Variants in NRXN3 observed in about 807,000 individuals in gnomAD.
The protein encoded by NRXN3 is neurexin 3.
Under a neutral mutation model 137.6 loss-of-function variants are expected in NRXN3, and 32 were observed. The ratio of observed to expected loss-of-function variants is 0.23; its 90% CI spans 0.18 to 0.31. The LOEUF is 0.31. Among genes scored for constraint, NRXN3 ranks in the 10% least tolerant of loss-of-function variants. NRXN3 has a pLI of 1.00. For synonymous variants in NRXN3, 798 were observed against 784.5 expected, an observed-to-expected ratio of 1.02 and a Z score of -0.29; for missense variants, 1,574 against 2,062.5, an observed-to-expected ratio of 0.76 and a Z score of 4.59.
In NRXN3 at chr14:79,234,344, T is replaced by TA. The variant is rs2072983170; in HGVS notation, c.3263-232877_3263-232876insA. ...TATATATATATATATATATATAATA[T>TA]TTATATATATATTATATATGTATTA... On this transcript the variant is annotated intron_variant, in intron 15 of 20. Transcript: ENST00000335750. Among the ~76,000 whole-genome samples the TA allele has an allele frequency of 1.7e-5, 2 of 116,514 alleles. 1 individual carries two copies. The highest frequency in any genetic ancestry group is 6.8e-5 in the African/African-American group (2 of 29,458). The allele number at this position is 116,514 out of a possible 152,430, so 76.4% of individuals were successfully genotyped here. A position where few individuals can be genotyped will look rare whatever the true frequency, so the allele number is the denominator to read the frequency against.
rs1600231732 is a variant in NRXN3 at position 78,545,228 on chromosome 14, G to T, written c.758-99892G>T. Among the ~76,000 whole-genome samples the T allele has an allele frequency of 2.0e-5, 3 of 152,258 alleles. No individual in the cohort carries two copies. In the East Asian group the frequency reaches 5.8e-4, roughly 29 times the overall value. ...GGCACCCTGTGCTCTGAGGTCAAAA[G>T]GAAACATAGGAAGGTGGTTTCTGAG... On this transcript the variant is annotated intron_variant, in intron 4 of 20. Transcript: ENST00000335750.
At chr14:79,351,746 A>G (rs1433354601) in intron 15 of NRXN3, among the ~76,000 whole-genome samples, 1 of 152,212 alleles carries the variant, frequency 6.6e-6, no homozygotes, top group Non-Finnish European at 1.5e-5. Flanking sequence ...CAGTTTATCT[A>G]AGGTTATAGT....
chr14:79,179,823 C>A (rs1240118787), intron 15 of NRXN3, among the ~76,000 whole-genome samples: 3 of 152,156 alleles, frequency 2.0e-5, no homozygotes, highest in Non-Finnish European at 4.4e-5. Flanking sequence ...CCTGGACAGA[C>A]CAGGAGCCTT....
intron 15 of NRXN3, among the ~76,000 whole-genome samples, chr14:79,140,488 A>G (rs954657590): frequency 5.3e-5 from 8 of 151,916 alleles, no homozygotes; most frequent in Non-Finnish European, 1.2e-4. Flanking sequence ...GTTCACCCCC[A>G]TTATACCTCC....
chr14:78,196,020 C>T (rs986604853), intron 1 of NRXN3, among the ~76,000 whole-genome samples: 4 of 152,294 alleles, frequency 2.6e-5, no homozygotes, highest in African/African-American at 4.8e-5. Flanking sequence ...ATGACGAACC[C>T]GCTGTGGCTT....
intron 15 of NRXN3, among the ~76,000 whole-genome samples, chr14:79,039,796 A>G (rs1156749806): frequency 6.6e-6 from 1 of 151,722 alleles, no homozygotes; most frequent in East Asian, 1.9e-4. Context: ...GGCTCAAGCA[A>G]TCCTCTCATT....
At chr14:78,392,502 G>A (rs1738404248) in intron 4 of NRXN3, among the ~76,000 whole-genome samples, 1 of 152,146 alleles carries the variant, frequency 6.6e-6, no homozygotes, top group African/African-American at 2.4e-5. Context: ...GGGGGCTACA[G>A]GGCCAGAGGG....
At chr14:78,306,098 G>A (rs933763519) in intron 4 of NRXN3, among the ~76,000 whole-genome samples, 3 of 152,132 alleles carry the variant, frequency 2.0e-5, no homozygotes, top group African/African-American at 7.2e-5. Flanking sequence ...AAGTGTTAAT[G>A]TGAACAGAAG....
intron 4 of NRXN3, among the ~76,000 whole-genome samples, chr14:78,379,213 T>C (rs1306531629): frequency 6.6e-6 from 1 of 152,202 alleles, no homozygotes; most frequent in African/African-American, 2.4e-5. Context: ...TAATTGCATA[T>C]AAGCTCTTCT....
chr14:79,820,979 T>G (rs935267638), intron 20 of NRXN3, among the ~76,000 whole-genome samples: 5 of 152,066 alleles, frequency 3.3e-5, no homozygotes, highest in African/African-American at 1.2e-4. Context: ...TGCCTGGAGA[T>G]GTAAGGTTCT....
intron 16 of NRXN3, among the ~76,000 whole-genome samples, chr14:79,630,127 A>G (rs1251745964): frequency 6.6e-6 from 1 of 151,864 alleles, no homozygotes. Flanking sequence ...GAAAAAGATT[A>G]ACTTTTCTGT....
chr14:79,156,818 ACTT>A (rs1392637284), intron 15 of NRXN3, among the ~76,000 whole-genome samples: 2 of 151,686 alleles, frequency 1.3e-5, no homozygotes, highest in Non-Finnish European at 2.9e-5. Flanking sequence ...TCCCATTTCT[ACTT>A]CTTTTTATGG....
Position 79,488,970 on chromosome 14 carries a change from T to C in NRXN3, c.3444+21568T>C, listed in dbSNP as rs150655249. Reference sequence around the variant, plus strand: ...GCACCCTTAAGCAGATAGATGCCCATACCTTACCCATCAGTACTTTAGGGT... The same window carrying C: ...GCACCCTTAAGCAGATAGATGCCCACACCTTACCCATCAGTACTTTAGGGT... On this transcript the variant is annotated intron_variant, in intron 16 of 20. Coordinates refer to ENST00000335750, the MANE Select transcript of NRXN3 (RefSeq NM_001330195.2). Among the ~76,000 whole-genome samples the C allele has an allele frequency of 2.6e-3, 396 of 152,258 alleles. 2 individuals carry two copies. The Middle Eastern group carries it at 0.041, about 16-fold the overall frequency.
rs151197180 is a variant in NRXN3, at chr14:78,702,451, C to CTTTTCTTTTTTTTTTTTTTTTT, written c.1222-6764_1222-6763insTTCTTTTTTTTTTTTTTTTTTT. On this transcript the variant is annotated intron_variant, in intron 6 of 20. Transcript: ENST00000335750. ...AAGAGAGAATCTTTCTTTTTCTTTT[C>CTTTTCTTTTTTTTTTTTTTTTT]TTATTTTTTTTGAGATGGAGTCTCA... is the stretch of plus-strand genomic sequence containing the variant. Among the ~76,000 whole-genome samples the CTTTTCTTTTTTTTTTTTTTTTT allele has an allele frequency of 1.5e-4, 18 of 122,700 alleles. 5 individuals carry two copies. The highest frequency in any genetic ancestry group is 1.5e-4 in the African/African-American group (5 of 32,754). 80.5% of individuals were successfully genotyped at this position (122,700 alleles called of 152,430 possible).
At chr14:79,296,350 G>A (rs1335315311) in intron 15 of NRXN3, among the ~76,000 whole-genome samples, 1 of 151,742 alleles carries the variant, frequency 6.6e-6, no homozygotes, top group Non-Finnish European at 1.5e-5. Flanking sequence ...AACCAATTAG[G>A]TCATTAAAAA....
At chr14:79,840,802 GTTAA>G (rs1269740810) in intron 20 of NRXN3, among the ~76,000 whole-genome samples, 1 of 152,176 alleles carries the variant, frequency 6.6e-6, no homozygotes, top group Non-Finnish European at 1.5e-5. Flanking sequence ...TAGGCTTCTA[GTTAA>G]TTAGTGTTTT....
chr14:78,381,111 A>T (rs993763259), intron 4 of NRXN3, among the ~76,000 whole-genome samples: 1 of 152,230 alleles, frequency 6.6e-6, no homozygotes, highest in African/African-American at 2.4e-5. Context: ...CAAAAAAATG[A>T]ACCTCAACCT....
At chr14:78,836,970 T>G (rs1318986730) in intron 10 of NRXN3, among the ~76,000 whole-genome samples, 1 of 152,142 alleles carries the variant, frequency 6.6e-6, no homozygotes, top group Non-Finnish European at 1.5e-5. Flanking sequence ...AGTTGCTCCC[T>G]CCTTTGAAGG....
chr14:78,978,675 G>C (rs549620348), intron 14 of NRXN3, among the ~76,000 whole-genome samples: 1 of 147,868 alleles, frequency 6.8e-6, no homozygotes, highest in Non-Finnish European at 1.5e-5. Flanking sequence ...CTCCAGAGAG[G>C]TATCATATAT....
Sources: allele counts gnomAD v4.1 joint callset (sites outside exome capture counted in the v4.1 genomes callset), GRCh38; gene constraint gnomAD v4.1.1; transcripts MANE v1.5; gene names NCBI Gene and HGNC (gene_info 2026-07-23, HGNC 2026-07-21).